FRMD8: variants seen among roughly 807,000 people sequenced by gnomAD.
The protein encoded by FRMD8 is FERM domain-containing protein 8.
A neutral mutation model predicts 54.2 loss-of-function variants in FRMD8; 37 were observed. The ratio of observed to expected loss-of-function variants is 0.68; its 90% CI spans 0.53 to 0.90. The LOEUF (loss-of-function observed/expected upper bound fraction) is 0.90, where lower values mean the gene tolerates loss of function less well. Among genes scored for constraint, FRMD8 ranks in the 40% least tolerant of loss-of-function variants. The pLI is 0.00. For missense variants in FRMD8, 585 were observed against 653.7 expected (o/e 0.89, Z 1.15); for synonymous variants, 246 against 286.9 (o/e 0.86, Z 1.44).
rs1856136477 is a variant in FRMD8 at position 65,404,073 on chromosome 11, A to G, written c.1072-791A>G. Among the ~76,000 whole-genome samples the G allele has an allele frequency of 6.6e-6, 1 of 152,084 alleles. No homozygotes were observed. Among genetic ancestry groups the G allele is most frequent in the Non-Finnish European group, 1.5e-5 (1 of 67,988 alleles). ...GCAGCGGTGCCCACCTGCCCAGCCCAGAGGGATTGTAGCTGCCCTGTGGAG... is the reference window on the plus strand; with the variant it reads ...GCAGCGGTGCCCACCTGCCCAGCCCGGAGGGATTGTAGCTGCCCTGTGGAG... On this transcript the variant is annotated intron_variant, in intron 9 of 10. Coordinates refer to ENST00000317568, the MANE Select transcript of FRMD8 (RefSeq NM_031904.5). This position sits in a 1 kb window ranked among gnomAD's most constrained non-coding sequence, Gnocchi z 4.7.
Position 65,400,139 on chromosome 11 carries a change from A to T in FRMD8, c.927+280A>T, listed in dbSNP as rs986761014. 6.6e-6 allele frequency among the ~76,000 whole-genome samples: 1 copy of T among 152,126 alleles called. No homozygotes were observed. Among genetic ancestry groups the T allele is most frequent in the Non-Finnish European group, 1.5e-5 (1 of 68,006 alleles). On this transcript the variant is annotated intron_variant, in intron 8 of 10. Transcript: ENST00000317568. The surrounding 1 kb of genome is among the most constrained non-coding windows in gnomAD (Gnocchi z 4.3). ...CAGGGCCCGCTGCTCTGCCTGGCTG[A>T]TGGCTGGAGAACAGCCTGATGCTCC...
At chr11:65,403,021 T>C (rs987657241) in intron 9 of FRMD8, among the ~76,000 whole-genome samples, 1 of 152,062 alleles carries the variant, frequency 6.6e-6, no homozygotes, top group African/African-American at 2.4e-5. Flanking sequence ...AAGCCACAGG[T>C]GTGCACCACC....
At chr11:65,399,060 C>T (rs1391658822) in intron 7 of FRMD8, among the ~76,000 whole-genome samples, 4 of 146,282 alleles carry the variant, frequency 2.7e-5, no homozygotes, top group African/African-American at 7.7e-5. Context: ...TGCAGTGGCA[C>T]GATCTTGGCT....
chr11:65,377,717 G>C, the FRMD8 span: 1 of 152,960 alleles, frequency 6.5e-6, no homozygotes, highest in Non-Finnish European at 1.5e-5. Flanking sequence ...ACAGATTTGG[G>C]ATGGAATTGG....
At chr11:65,395,270 C>A (rs1399254370) in intron 6 of FRMD8, among the ~76,000 whole-genome samples, 2 of 151,270 alleles carry the variant, frequency 1.3e-5, no homozygotes, top group African/African-American at 4.9e-5. Context: ...ATGCCGGGTG[C>A]GGTGGCTCAC....
intron 10 of FRMD8, among the ~76,000 whole-genome samples, chr11:65,405,502 A>G (rs1286488014): frequency 6.6e-6 from 1 of 152,202 alleles, no homozygotes; most frequent in African/African-American, 2.4e-5. Context: ...AGGCGCCTGT[A>G]ATCCCAGCTA....
intron 2 of FRMD8, among the ~76,000 whole-genome samples, chr11:65,387,821 AGCCAC>A (rs1325664425): frequency 6.6e-6 from 1 of 151,740 alleles, no homozygotes; most frequent in Non-Finnish European, 1.5e-5. Flanking sequence ...TACAGGCGTG[AGCCAC>A]CACACCCGGC....
At chr11:65,369,836 C>G in the FRMD8 span, among the ~76,000 whole-genome samples, 1 of 149,342 alleles carries the variant, frequency 6.7e-6, no homozygotes, top group African/African-American at 2.4e-5. Context: ...AGTTTGAGAC[C>G]AGCCTGACCA....
intron 6 of FRMD8, among the ~76,000 whole-genome samples, chr11:65,395,023 A>AAG (rs541938941): frequency 7.7e-4 from 113 of 147,424 alleles, no homozygotes; most frequent in African/African-American, 2.8e-3. Context: ...AAGGCAGGCA[A>AAG]ATCGCTTAAG....
rs897068363 is a variant in FRMD8 at position 65,400,584 on chromosome 11, T to C, written c.928-140T>C. ...CAGGCTCTGATGAAAGCTGAGGCTCTCTCCTTACAGAAACACATGAACAAA... is the reference window on the plus strand; with the variant it reads ...CAGGCTCTGATGAAAGCTGAGGCTCCCTCCTTACAGAAACACATGAACAAA... On this transcript the variant is annotated intron_variant, in intron 8 of 10. Transcript: ENST00000317568. The surrounding 1 kb of genome is among the most constrained non-coding windows in gnomAD (Gnocchi z 4.3). The C allele has an allele frequency of 5.9e-6, 5 of 840,390 alleles. No homozygotes were observed. Among genetic ancestry groups the C allele is most frequent in the Non-Finnish European group, 8.6e-6 (5 of 581,350 alleles). The allele number at this position is 840,390 out of a possible 1,614,324, so 52.1% of individuals were successfully genotyped here.
At chr11:65,376,956 T>C in the FRMD8 span, 6 of 1,613,024 alleles carry the variant, frequency 3.7e-6, no homozygotes, top group Non-Finnish European at 4.2e-6. Context: ...TCCCGGAAGA[T>C]GGAGGCTGCA....
At position 65,399,801 on chromosome 11, in the gene FRMD8, A is replaced by G. The variant is rs1856032155; in HGVS notation, c.869A>G (p.Lys290Arg). ...AQGFLHRGGR[K>R]PVSVAISLEG... Reference sequence around the variant, plus strand: ...GGCTTTTTGCACCGGGGTGGGCGCAAGCCAGTTTCTGTGGCCATCAGTCTG... The same window carrying G: ...GGCTTTTTGCACCGGGGTGGGCGCAGGCCAGTTTCTGTGGCCATCAGTCTG... Residue 290 changes from lysine (K) to arginine (R), a missense_variant, in exon 8 of 11, where the codon AAG (lysine) becomes AGG (arginine). Physicochemically the swap from Lys to Arg is conservative, Grantham distance 26. Transcript: ENST00000317568. The G allele has an allele frequency of 1.9e-6, 3 of 1,613,960 alleles. No homozygotes were observed. Among genetic ancestry groups the G allele is most frequent in the African/African-American group, 2.7e-5 (2 of 74,944 alleles).
chr11:65,392,246 G>C (rs962374786), intron 3 of FRMD8, among the ~76,000 whole-genome samples: 9 of 152,172 alleles, frequency 5.9e-5, no homozygotes, highest in Admixed American at 2.0e-4. Context: ...TGTGGGCAAG[G>C]GGGCCCGTGT....
the FRMD8 span, chr11:65,379,618 C>G: frequency 6.6e-7 from 1 of 1,518,308 alleles, no homozygotes. Context: ...CCTTTGTCCT[C>G]TCCACCCCTG....
At chr11:65,396,314 T>A (rs1201119271) in intron 6 of FRMD8, among the ~76,000 whole-genome samples, 1 of 152,076 alleles carries the variant, frequency 6.6e-6, no homozygotes. Context: ...TGTTCCTGGA[T>A]GGAGATGCAG....
intron 3 of FRMD8, among the ~76,000 whole-genome samples, chr11:65,390,830 A>G (rs1434307261): frequency 6.6e-6 from 1 of 151,524 alleles, no homozygotes; most frequent in Non-Finnish European, 1.5e-5. Flanking sequence ...CTCCGTCTCC[A>G]CTCCCTCCTC....
At chr11:65,376,533 C>T in the FRMD8 span, 1 of 1,614,220 alleles carries the variant, frequency 6.2e-7, no homozygotes, top group Non-Finnish European at 8.5e-7. Context: ...GGATGCTGCT[C>T]ACCATGCAGT....
At position 65,411,373 on chromosome 11, in the gene FRMD8, C is replaced by G; in HGVS notation, c.*13C>G. On this transcript the variant is annotated 3_prime_UTR_variant, in exon 11 of 11. Transcript: ENST00000317568. Reference sequence around the variant, plus strand: ...GGAGCAGGGCTGAGGACGCTGCACCCGGCAGGAGGAGGGCGACTGGGGGCC... The same window carrying G: ...GGAGCAGGGCTGAGGACGCTGCACCGGGCAGGAGGAGGGCGACTGGGGGCC... The G allele has an allele frequency of 6.5e-7, 1 of 1,535,334 alleles. No individual in the cohort carries two copies. Among genetic ancestry groups the G allele is most frequent in the Non-Finnish European group, 8.8e-7 (1 of 1,131,588 alleles).
At chr11:65,397,666 G>A (rs1388589757) in intron 7 of FRMD8, among the ~76,000 whole-genome samples, 7 of 152,208 alleles carry the variant, frequency 4.6e-5, no homozygotes, top group African/African-American at 9.7e-5. Context: ...CCTCCGCTGA[G>A]CTGGGGGCGG....
Sources: allele counts gnomAD v4.1 joint callset (sites outside exome capture counted in the v4.1 genomes callset), GRCh38; gene constraint gnomAD v4.1.1; non-coding constraint Gnocchi (gnomAD v3.1); transcripts MANE v1.5; gene names NCBI Gene and HGNC (gene_info 2026-07-23, HGNC 2026-07-21).